Variants in BPIFB1 observed in about 807,000 individuals in gnomAD.
BPIFB1 encodes the protein BPI fold containing family B member 1.
A neutral mutation model predicts 55.1 loss-of-function variants in BPIFB1; 34 were observed. That is an observed-to-expected ratio of 0.62 (90% confidence interval 0.47 to 0.82). The LOEUF is 0.82. Ranked by LOEUF, BPIFB1 falls within the 40% of genes least tolerant of loss-of-function variation. The probability of loss-of-function intolerance (pLI) is 0.00; values close to 1 mark genes in which losing one functional copy is unlikely to be tolerated. For synonymous variants in BPIFB1, 236 were observed against 245.3 expected (o/e 0.96, Z 0.35); for missense variants, 532 against 593.1 (o/e 0.90, Z 1.07).
chr20:33,290,367 C>G (rs1229522480), intron 4 of BPIFB1, among the ~76,000 whole-genome samples: 1 of 152,136 alleles, frequency 6.6e-6, no homozygotes, highest in Non-Finnish European at 1.5e-5. Context: ...AAAAGACTTT[C>G]TGGGGGTAAG....
In BPIFB1 at chr20:33,309,645, G is replaced by A; in HGVS notation, c.1396-63G>A. ...AGTCACCTTATGGAGGACAAAACCA[G>A]CATAAACCACAAGGCAAAAGGTTAA... On this transcript the variant is annotated intron_variant, in intron 15 of 15. Coordinates refer to ENST00000253354, the MANE Select transcript of BPIFB1 (RefSeq NM_033197.3). The surrounding 1 kb of genome is among the most constrained non-coding windows in gnomAD (Gnocchi z 4.4). The A allele has an allele frequency of 6.5e-7, 1 of 1,528,274 alleles. No homozygotes were observed. The highest frequency in any genetic ancestry group is 9.1e-7 in the Non-Finnish European group (1 of 1,102,656). 94.7% of individuals were successfully genotyped at this position (1,528,274 alleles called of 1,614,324 possible).
chr20:33,308,984 C>G (rs1981145213), intron 15 of BPIFB1, among the ~76,000 whole-genome samples: 1 of 151,900 alleles, frequency 6.6e-6, no homozygotes, highest in Non-Finnish European at 1.5e-5. Flanking sequence ...CACACACACA[C>G]ACACCATGTG....
At chr20:33,284,717 T>C (rs1394999104) in intron 1 of BPIFB1, among the ~76,000 whole-genome samples, 12 of 151,948 alleles carry the variant, frequency 7.9e-5, no homozygotes, top group African/African-American at 2.9e-4. Flanking sequence ...GGAGCTTCCA[T>C]GGGGGGCTGG....
At chr20:33,293,951 T>C (rs926309982) in intron 6 of BPIFB1, among the ~76,000 whole-genome samples, 2 of 152,248 alleles carry the variant, frequency 1.3e-5, no homozygotes, top group African/African-American at 4.8e-5. Flanking sequence ...TTCCATGTCC[T>C]TACCTTCAAG....
intron 5 of BPIFB1, 84 bp from the exon 6 acceptor site, chr20:33,291,823 C>T (rs1600663584): frequency 1.5e-6 from 2 of 1,321,918 alleles, no homozygotes; most frequent in Middle Eastern, 1.8e-4. Context: ...CTCCCTTAGA[C>T]TCAGCCTCCC....
At chr20:33,291,310 T>C (rs988752794) in intron 5 of BPIFB1, among the ~76,000 whole-genome samples, 5 of 152,172 alleles carry the variant, frequency 3.3e-5, no homozygotes, top group African/African-American at 4.8e-5. Context: ...GAAGCAACCA[T>C]GGTGGGTTTC....
chr20:33,303,224 G>A, intron 11 of BPIFB1, 150 bp downstream of exon 11: 1 of 955,108 alleles, frequency 1.0e-6, no homozygotes, highest in Non-Finnish European at 1.6e-6. Flanking sequence ...AGAGCCAGGA[G>A]CTTTGTGGGT....
intron 3 of BPIFB1, 131 bp downstream of exon 3, chr20:33,289,013 G>T: frequency 9.1e-7 from 1 of 1,092,932 alleles, no homozygotes; most frequent in Non-Finnish European, 1.3e-6. Context: ...ATCAAACAAA[G>T]CCCCTCCGTC....
At position 33,290,698 on chromosome 20, in the gene BPIFB1, C is replaced by T. The variant is rs115195252; in HGVS notation, c.366-259C>T. Among the ~76,000 whole-genome samples, 683 of 152,230 alleles carry T rather than the reference C, an allele frequency of 4.5e-3. 4 individuals carry two copies. The highest frequency in any genetic ancestry group is 0.016 in the African/African-American group (648 of 41,530). ...CCAGTCCAGTGTTGCATGCGCTAAA[C>T]TTGAGAAGCCCGTGAGACATCGGAG... On this transcript the variant is annotated intron_variant, in intron 4 of 15. Transcript: ENST00000253354.
In BPIFB1 at chr20:33,300,054, T is replaced by G. The variant is rs141422958; in HGVS notation, c.747+70T>G. Reference sequence around the variant, plus strand: ...CCTTCTCTGACCACCAGGAGTCAGATAGCATGGGCCTGTGTTAGGAGAGAA... The same window carrying G: ...CCTTCTCTGACCACCAGGAGTCAGAGAGCATGGGCCTGTGTTAGGAGAGAA... On this transcript the variant is annotated intron_variant, in intron 8 of 15. Coordinates refer to ENST00000253354, the MANE Select transcript of BPIFB1 (RefSeq NM_033197.3). 6.7e-4 allele frequency: 893 copies of G among 1,332,618 alleles called. 6 individuals are homozygous for G. The African/African-American group carries it at 0.011, about 17-fold the overall frequency. The allele number at this position is 1,332,618 out of a possible 1,614,324, so 82.5% of individuals were successfully genotyped here.
At chr20:33,308,844 TACACACACCACACACATACACACTAC>T (rs1981135850) in intron 15 of BPIFB1, among the ~76,000 whole-genome samples, 1 of 138,298 alleles carries the variant, frequency 7.2e-6, no homozygotes, top group Admixed American at 7.1e-5. Context: ...ACACACATAA[TACACACACCACACACATACACACTAC>T]ACACACACCA....
intron 1 of BPIFB1, among the ~76,000 whole-genome samples, chr20:33,284,404 C>T (rs1389350386): frequency 6.6e-6 from 1 of 152,156 alleles, no homozygotes; most frequent in African/African-American, 2.4e-5. Flanking sequence ...TGCAATTATT[C>T]AGCAGCCATT....
intron 3 of BPIFB1, among the ~76,000 whole-genome samples, chr20:33,289,351 A>G (rs1980373495): frequency 6.7e-6 from 1 of 148,498 alleles, no homozygotes; most frequent in African/African-American, 2.5e-5. Flanking sequence ...ATTGCACTCC[A>G]GCCTGGGTGA....
intron 2 of BPIFB1, among the ~76,000 whole-genome samples, chr20:33,286,894 G>C (rs936651639): frequency 6.6e-6 from 1 of 152,236 alleles, no homozygotes; most frequent in African/African-American, 2.4e-5. Flanking sequence ...TCTCAGTGGA[G>C]AACGACTACT....
intron 9 of BPIFB1, 105 bp from the exon 10 acceptor site, chr20:33,302,254 C>T (rs1980877641): frequency 8.1e-7 from 1 of 1,233,434 alleles, no homozygotes; most frequent in Non-Finnish European, 1.2e-6. Context: ...TGGGCCCACC[C>T]AGCTTTTCTG....
At chr20:33,292,712 G>A (rs374943995) in intron 6 of BPIFB1, among the ~76,000 whole-genome samples, 18 of 152,140 alleles carry the variant, frequency 1.2e-4, no homozygotes, top group East Asian at 7.7e-4. Flanking sequence ...TTTTTTCTGC[G>A]TCAGTAAACA....
chr20:33,295,662 G>GAGAA (rs748483377), intron 6 of BPIFB1, among the ~76,000 whole-genome samples: 1,491 of 136,164 alleles, frequency 0.011, 10 homozygotes, highest in Middle Eastern at 0.031. Context: ...GAAAGAAAGA[G>GAGAA]AGAAAGAAAG....
chr20:33,291,114 T>A lies in BPIFB1; in HGVS notation c.515+8T>A, dbSNP rs1441060177. The stretch of plus-strand genomic sequence containing the variant: ...CATCCAACTGCTGCATAAGTGAGTG[T>A]CGCTGGCCACCAGCCGGGCTCCCAT... On this transcript the variant is annotated splice_region_variant and intron_variant, in intron 5 of 15. Coordinates refer to ENST00000253354, the MANE Select transcript of BPIFB1 (RefSeq NM_033197.3). 1.9e-6 allele frequency: 3 copies of A among 1,608,552 alleles called. No individual in the cohort carries two copies. The highest frequency in any genetic ancestry group is 2.7e-5 in the African/African-American group (2 of 74,922).
intron 15 of BPIFB1, chr20:33,307,262 G>A (rs531741614): frequency 2.4e-6 from 1 of 421,114 alleles, no homozygotes; most frequent in Non-Finnish European, 4.3e-6. Context: ...ATTTTTCGAG[G>A]GTCTTCTATA....
Sources: gnomAD v4.1 joint callset for allele counts (sites outside exome capture counted in the v4.1 genomes callset) on GRCh38, gnomAD v4.1.1 for gene constraint, Gnocchi (gnomAD v3.1) non-coding constraint, MANE v1.5 for transcripts, NCBI Gene and HGNC (gene_info 2026-07-23, HGNC 2026-07-21) for gene names.